The following HS6ST3 variants were observed in gnomAD, a reference collection of about 807,000 sequenced individuals.
The protein encoded by HS6ST3 is heparan sulfate 6-O-sulfotransferase 3.
Under a neutral mutation model 36.7 loss-of-function variants are expected in HS6ST3, and 12 were observed. The ratio of observed to expected loss-of-function variants is 0.33; its 90% CI spans 0.21 to 0.53. The LOEUF (loss-of-function observed/expected upper bound fraction) is 0.53. HS6ST3 is among the 20% of genes least tolerant of loss of function. The pLI is 0.95. For missense variants in HS6ST3, 584 were observed against 640.9 expected (o/e 0.91, Z 0.96); for synonymous variants, 240 against 257.5 (o/e 0.93, Z 0.65).
At chr13:96,232,147 C>T (rs747441215) in intron 1 of HS6ST3, among the ~76,000 whole-genome samples, 25 of 152,044 alleles carry the variant, frequency 1.6e-4, no homozygotes, top group Non-Finnish European at 2.8e-4. Context: ...TGGATTGTTA[C>T]GAAATTATGT....
chr13:96,825,874 C>T (rs1008293572), intron 1 of HS6ST3, among the ~76,000 whole-genome samples: 4 of 152,280 alleles, frequency 2.6e-5, no homozygotes, highest in Admixed American at 1.3e-4. Flanking sequence ...CACTCCTGAC[C>T]TCTGTAACTT....
intron 1 of HS6ST3, among the ~76,000 whole-genome samples, chr13:96,487,643 G>C (rs1252019136): frequency 6.6e-6 from 1 of 151,978 alleles, no homozygotes; most frequent in Non-Finnish European, 1.5e-5. Flanking sequence ...AAGGACAAAG[G>C]CCATGTTTGG....
rs1228058277 is a variant in HS6ST3, at chr13:96,328,520, A to G, written c.707+236951A>G. Among the ~76,000 whole-genome samples the G allele has an allele frequency of 2.6e-5, 4 of 152,136 alleles. No individual in the cohort carries two copies. The East Asian group carries it at 7.7e-4, about 29-fold the overall frequency. On this transcript the variant is annotated intron_variant, in intron 1 of 1. Transcript: ENST00000376705. ...GTATGTTGAACCAGCCTTGCATCCC[A>G]GGGATGAAGCCCACTTGATCATGGT... is the stretch of plus-strand genomic sequence containing the variant.
intron 1 of HS6ST3, among the ~76,000 whole-genome samples, chr13:96,338,500 G>C (rs1566330127): frequency 6.6e-6 from 1 of 152,168 alleles, no homozygotes; most frequent in African/African-American, 2.4e-5. Context: ...GAGAGGGGCA[G>C]TCACCTGGCC....
intron 1 of HS6ST3, among the ~76,000 whole-genome samples, chr13:96,380,264 C>CTT (rs33958530): frequency 5.1e-5 from 7 of 136,260 alleles, no homozygotes; most frequent in African/African-American, 1.7e-4. Context: ...TAAGTTAGCA[C>CTT]TTTTTTTTTT....
At chr13:96,573,296 C>A (rs1369175496) in intron 1 of HS6ST3, among the ~76,000 whole-genome samples, 2 of 151,904 alleles carry the variant, frequency 1.3e-5, no homozygotes, top group African/African-American at 4.8e-5. Flanking sequence ...TTATTTTTTT[C>A]TTTTAACTTT....
intron 1 of HS6ST3, among the ~76,000 whole-genome samples, chr13:96,790,798 T>C (rs984532588): frequency 6.6e-6 from 1 of 152,100 alleles, no homozygotes; most frequent in African/African-American, 2.4e-5. Context: ...CACAGGTGAT[T>C]CTAAGATTCA....
At chr13:96,624,813 T>C (rs192385124) in intron 1 of HS6ST3, among the ~76,000 whole-genome samples, 101 of 152,344 alleles carry the variant, frequency 6.6e-4, no homozygotes, top group Non-Finnish European at 1.1e-3. Flanking sequence ...CCATAAAATA[T>C]ACCATTGAAT....
chr13:96,503,662 G>A (rs2138914712), intron 1 of HS6ST3, among the ~76,000 whole-genome samples: 1 of 152,256 alleles, frequency 6.6e-6, no homozygotes, highest in South Asian at 2.1e-4. Flanking sequence ...CCTGACAGGG[G>A]TGGAGGGAGT....
chr13:96,706,735 A>T lies in HS6ST3; in HGVS notation c.708-125755A>T, dbSNP rs1007336329. On this transcript the variant is annotated intron_variant, in intron 1 of 1. Coordinates refer to ENST00000376705, the MANE Select transcript of HS6ST3 (RefSeq NM_153456.4). ...GCCTCTTCCACGTAGACATTTTTTT[A>T]AAAAACAATATTTAAAGACAGCTAC... Among the ~76,000 whole-genome samples the T allele has an allele frequency of 3.3e-5, 5 of 151,944 alleles. No individual in the cohort carries two copies. In the East Asian group the frequency reaches 5.8e-4, roughly 18 times the overall value.
intron 1 of HS6ST3, among the ~76,000 whole-genome samples, chr13:96,167,174 C>T (rs2054164976): frequency 6.6e-6 from 1 of 152,130 alleles, no homozygotes. Flanking sequence ...CTGACACTTA[C>T]CTCTCTTATT....
At chr13:96,809,509 A>G (rs1215907668) in intron 1 of HS6ST3, among the ~76,000 whole-genome samples, 1 of 152,222 alleles carries the variant, frequency 6.6e-6, no homozygotes, top group Non-Finnish European at 1.5e-5. Context: ...CCTCAGGTCC[A>G]CTGAAGAGGG....
At chr13:96,483,128 G>A (rs1268440512) in intron 1 of HS6ST3, among the ~76,000 whole-genome samples, 1 of 152,218 alleles carries the variant, frequency 6.6e-6, no homozygotes, top group African/African-American at 2.4e-5. Flanking sequence ...AGCAAACAGA[G>A]CTAACTTCCT....
chr13:96,600,758 A>T (rs949642821), intron 1 of HS6ST3, among the ~76,000 whole-genome samples: 2 of 151,976 alleles, frequency 1.3e-5, no homozygotes, highest in Admixed American at 6.6e-5. Flanking sequence ...CTGTTTTATA[A>T]GCCCTGTGAG....
intron 1 of HS6ST3, among the ~76,000 whole-genome samples, chr13:96,773,426 G>GATTTTAGCC (rs1877316136): frequency 6.6e-6 from 1 of 152,192 alleles, no homozygotes; most frequent in Non-Finnish European, 1.5e-5. Flanking sequence ...AAATCCACTG[G>GATTTTAGCC]CTTGAAATTC....
At chr13:96,255,446 T>C (rs2054632245) in intron 1 of HS6ST3, among the ~76,000 whole-genome samples, 1 of 152,194 alleles carries the variant, frequency 6.6e-6, no homozygotes, top group African/African-American at 2.4e-5. Context: ...TTACAATGTA[T>C]ATATTTGTCT....
chr13:96,106,355 C>G (rs2053841567), intron 1 of HS6ST3, among the ~76,000 whole-genome samples: 1 of 151,886 alleles, frequency 6.6e-6, no homozygotes, highest in South Asian at 2.1e-4. Flanking sequence ...CTGTCTGTCT[C>G]TTGCTCTCTC....
intron 1 of HS6ST3, among the ~76,000 whole-genome samples, chr13:96,362,020 C>A (rs986008119): frequency 6.6e-6 from 1 of 152,160 alleles, no homozygotes; most frequent in Non-Finnish European, 1.5e-5. Flanking sequence ...AAGCCCTCCC[C>A]GTGATCCTGA....
At chr13:96,538,739 C>T (rs910358470) in intron 1 of HS6ST3, among the ~76,000 whole-genome samples, 7 of 152,218 alleles carry the variant, frequency 4.6e-5, no homozygotes, top group Admixed American at 4.6e-4. Context: ...CCACCATGCC[C>T]AGCTAAGCAC....
Sources: allele counts gnomAD v4.1 joint callset (sites outside exome capture counted in the v4.1 genomes callset), GRCh38; gene constraint gnomAD v4.1.1; transcripts MANE v1.5; gene names NCBI Gene and HGNC (gene_info 2026-07-23, HGNC 2026-07-21).